Variants in NKAIN3 observed in about 807,000 individuals in gnomAD.
NKAIN3 encodes sodium/potassium transporting ATPase interacting 3.
In NKAIN3, 25 loss-of-function variants were observed where a neutral mutation model predicts 30.2. The observed-to-expected ratio is 0.83, with a 90% CI of 0.60 to 1.16. The LOEUF (loss-of-function observed/expected upper bound fraction) is 1.16, where lower values mean the gene tolerates loss of function less well. NKAIN3 is among the 50% of genes most tolerant of loss of function. The pLI is 0.00. For synonymous variants in NKAIN3, 91 were observed against 89.6 expected, an observed-to-expected ratio of 1.02 and a Z score of -0.09; for missense variants, 225 against 254.1, an observed-to-expected ratio of 0.89 and a Z score of 0.78.
chr8:62,739,309 T>TAG (rs780999239), intron 3 of NKAIN3, among the ~76,000 whole-genome samples: 61 of 152,212 alleles, frequency 4.0e-4, no homozygotes, highest in Non-Finnish European at 7.4e-4. Context: ...AAAAAAGAAT[T>TAG]ATCTATTTGT....
At chr8:62,781,764 TC>T (rs765274605) in intron 4 of NKAIN3, among the ~76,000 whole-genome samples, 58 of 151,872 alleles carry the variant, frequency 3.8e-4, no homozygotes, top group Non-Finnish European at 5.6e-4. Flanking sequence ...TATACAAAAG[TC>T]AACTCAAGAT....
intron 1 of NKAIN3, among the ~76,000 whole-genome samples, chr8:62,390,064 G>A (rs777768844): frequency 4.6e-5 from 7 of 151,622 alleles, no homozygotes; most frequent in South Asian, 2.1e-4. Context: ...TATATGTGTC[G>A]GCATCCCTGT....
chr8:62,631,274 C>T (rs1313539833), intron 3 of NKAIN3, among the ~76,000 whole-genome samples: 1 of 152,158 alleles, frequency 6.6e-6, no homozygotes, highest in African/African-American at 2.4e-5. Flanking sequence ...TCCTCGATGT[C>T]GCCTCTGTAA....
chr8:62,389,589 A>T (rs1232656867), intron 1 of NKAIN3, among the ~76,000 whole-genome samples: 1 of 152,234 alleles, frequency 6.6e-6, no homozygotes, highest in Admixed American at 6.5e-5. Context: ...TCTTTCTGAC[A>T]TCTAACAATA....
chr8:62,341,559 A>G (rs1815745735), intron 1 of NKAIN3, among the ~76,000 whole-genome samples: 1 of 152,034 alleles, frequency 6.6e-6, no homozygotes, highest in African/African-American at 2.4e-5. Flanking sequence ...CAGTGGATTA[A>G]CTCTCCAAAG....
intron 1 of NKAIN3, among the ~76,000 whole-genome samples, chr8:62,395,321 C>T (rs1369704265): frequency 7.4e-5 from 11 of 149,358 alleles, no homozygotes; most frequent in Non-Finnish European, 1.5e-4. Flanking sequence ...GACGGTGGGG[C>T]GGCCGGGCAG....
At chr8:62,680,291 A>T (rs1328232226) in intron 3 of NKAIN3, among the ~76,000 whole-genome samples, 3 of 152,192 alleles carry the variant, frequency 2.0e-5, no homozygotes, top group African/African-American at 7.2e-5. Flanking sequence ...CCCTGCTGAC[A>T]TGTTGATTTT....
intron 4 of NKAIN3, among the ~76,000 whole-genome samples, chr8:62,889,869 A>G (rs1249084592): frequency 6.6e-6 from 1 of 152,140 alleles, no homozygotes; most frequent in Non-Finnish European, 1.5e-5. Context: ...TGGGTTTGAA[A>G]AGAAAGAAAA....
Position 62,768,197 on chromosome 8 carries a change from A to G in NKAIN3, c.471+21068A>G, listed in dbSNP as rs185424902. On this transcript the variant is annotated intron_variant, in intron 4 of 6. Transcript: ENST00000623646. ...ATCCATCACTTTGGAACTTCCATCT[A>G]TTGGCACTAGTTCTGCCTCTTGTGT... Among the ~76,000 whole-genome samples the G allele has an allele frequency of 5.9e-3, 891 of 152,220 alleles. 4 individuals are homozygous for G. Among genetic ancestry groups the G allele is most frequent in the Non-Finnish European group, 9.2e-3 (628 of 68,010 alleles).
chr8:62,957,706 G>A (rs758424602), intron 6 of NKAIN3, among the ~76,000 whole-genome samples: 22 of 152,200 alleles, frequency 1.4e-4, no homozygotes, highest in Admixed American at 5.9e-4. Flanking sequence ...CAAGGGTTGC[G>A]GGAGGGGAGA....
At chr8:62,439,296 T>G (rs1469399829) in intron 1 of NKAIN3, among the ~76,000 whole-genome samples, 1 of 152,160 alleles carries the variant, frequency 6.6e-6, no homozygotes, top group Non-Finnish European at 1.5e-5. Context: ...AAGTGCAACT[T>G]ACAGTTTACA....
intron 1 of NKAIN3, among the ~76,000 whole-genome samples, chr8:62,534,504 A>C (rs1427834404): frequency 1.3e-5 from 2 of 152,142 alleles, no homozygotes; most frequent in South Asian, 2.1e-4. Context: ...TCACACCCCC[A>C]AAACCAACAT....
At chr8:62,871,512 G>A (rs1258463911) in intron 4 of NKAIN3, among the ~76,000 whole-genome samples, 1 of 151,840 alleles carries the variant, frequency 6.6e-6, no homozygotes, top group African/African-American at 2.4e-5. Context: ...TACTTTCTTA[G>A]CAAATTTCAA....
chr8:62,762,305 A>C (rs1432577880), intron 4 of NKAIN3, among the ~76,000 whole-genome samples: 1 of 131,142 alleles, frequency 7.6e-6, no homozygotes, highest in Admixed American at 8.4e-5. Flanking sequence ...AACAAGAGCA[A>C]AACTCTGTCT....
At chr8:62,719,765 T>TC (rs1175674990) in intron 3 of NKAIN3, among the ~76,000 whole-genome samples, 2 of 146,128 alleles carry the variant, frequency 1.4e-5, no homozygotes, top group African/African-American at 2.5e-5. Flanking sequence ...TTTTTTTTTT[T>TC]TTTTTTTTTG....
intron 1 of NKAIN3, among the ~76,000 whole-genome samples, chr8:62,489,871 C>T (rs1258868460): frequency 2.0e-5 from 3 of 152,132 alleles, no homozygotes; most frequent in African/African-American, 4.8e-5. Flanking sequence ...GACTAGGTCA[C>T]GACACCAAAG....
intron 5 of NKAIN3, among the ~76,000 whole-genome samples, chr8:62,992,201 G>C (rs886187522): frequency 2.0e-5 from 3 of 151,600 alleles, no homozygotes; most frequent in Admixed American, 2.0e-4. Flanking sequence ...TAGTAGAGAC[G>C]GGGTTTTACC....
At chr8:62,361,853 G>A (rs1044147198) in intron 1 of NKAIN3, among the ~76,000 whole-genome samples, 1 of 152,136 alleles carries the variant, frequency 6.6e-6, no homozygotes, top group Non-Finnish European at 1.5e-5. Flanking sequence ...TCCAGACTTT[G>A]TATATATGAT....
Position 62,967,526 on chromosome 8 carries a change from A to G in NKAIN3, c.*2119A>G, listed in dbSNP as rs187851780. ...TCTTGCTTTCCACTCAAGCGCTATG[A>G]AGAGCCCACAGAAACAACAAACTCT... is the stretch of plus-strand genomic sequence containing the variant. On this transcript the variant is annotated 3_prime_UTR_variant, in exon 7 of 7. Coordinates refer to ENST00000623646, the MANE Select transcript of NKAIN3 (RefSeq NM_001304533.3). Among the ~76,000 whole-genome samples the G allele has an allele frequency of 9.8e-4, 149 of 152,300 alleles. No individual in the cohort carries two copies. The highest frequency in any genetic ancestry group is 1.7e-3 in the Admixed American group (26 of 15,292).
Sources: gnomAD v4.1 joint callset for allele counts (sites outside exome capture counted in the v4.1 genomes callset) on GRCh38, gnomAD v4.1.1 for gene constraint, MANE v1.5 for transcripts, NCBI Gene and HGNC (gene_info 2026-07-23, HGNC 2026-07-21) for gene names.